The following PCM1 variants were observed in gnomAD, a reference collection of about 807,000 sequenced individuals.
The protein encoded by PCM1 is pericentriolar material 1.
Under a neutral mutation model 241.9 loss-of-function variants are expected in PCM1, and 157 were observed. The observed-to-expected ratio is 0.65, with a 90% CI of 0.57 to 0.74. The LOEUF is 0.74. PCM1 is among the 30% of genes least tolerant of loss of function. PCM1 has a pLI of 0.00. For synonymous variants in PCM1, 1,085 were observed against 784.9 expected (o/e 1.38, Z -6.39); for missense variants, 3,478 against 2,360.1 (o/e 1.47, Z -9.81).
At chr8:17,964,370 G>T (rs1269739319) in intron 17 of PCM1, among the ~76,000 whole-genome samples, 198 bp from the exon 18 acceptor site, 1 of 152,218 alleles carries the variant, frequency 6.6e-6, no homozygotes. Flanking sequence ...GAATTGTTTT[G>T]AGGAAGGCAA....
rs527526938 is a variant in PCM1 at position 17,930,855 on chromosome 8, G to A, written c.-22-4734G>A. 2.6e-5 allele frequency among the ~76,000 whole-genome samples: 4 copies of A among 151,790 alleles called. No individual in the cohort carries two copies. In the South Asian group the frequency reaches 8.3e-4, roughly 32 times the overall value. Reference sequence around the variant, plus strand: ...AGATGGCGCCACTGCACTCCAGCCTGGGTGACAGAGCAAGACTCTGTCTCC... The same window carrying A: ...AGATGGCGCCACTGCACTCCAGCCTAGGTGACAGAGCAAGACTCTGTCTCC... On this transcript the variant is annotated intron_variant, in intron 2 of 38. Transcript: ENST00000325083.
At chr8:18,026,357 G>A (rs1486404459) in intron 38 of PCM1, among the ~76,000 whole-genome samples, 35 of 144,726 alleles carry the variant, frequency 2.4e-4, no homozygotes, top group African/African-American at 7.4e-4. Flanking sequence ...TCCCAGGTTC[G>A]CGCCATTCTT....
At chr8:18,000,590 G>T (rs983863106) in intron 29 of PCM1, among the ~76,000 whole-genome samples, 5 of 150,976 alleles carry the variant, frequency 3.3e-5, no homozygotes, top group Admixed American at 1.3e-4. Context: ...GAAGGCTTGG[G>T]AGAAGGGGGA....
intron 23 of PCM1, among the ~76,000 whole-genome samples, chr8:17,978,878 T>C (rs1023160346): frequency 6.6e-6 from 1 of 152,232 alleles, no homozygotes; most frequent in Non-Finnish European, 1.5e-5. Context: ...TTCAGACATG[T>C]AATGATGATT....
intron 29 of PCM1, among the ~76,000 whole-genome samples, chr8:18,002,053 A>G (rs1458265053): frequency 1.0e-4 from 1 of 10,004 alleles, no homozygotes; most frequent in Admixed American, 1.0e-3. Context: ...GATCTGTTAA[A>G]TTTTTTTTTT....
At chr8:17,979,156 T>C (rs908563818) in intron 23 of PCM1, among the ~76,000 whole-genome samples, 3 of 151,640 alleles carry the variant, frequency 2.0e-5, no homozygotes, top group African/African-American at 4.8e-5. Flanking sequence ...AAAGCAGTTA[T>C]TTGAGTGTAA....
chr8:17,959,401 A>G (rs1201391269), intron 13 of PCM1, among the ~76,000 whole-genome samples: 3 of 152,094 alleles, frequency 2.0e-5, no homozygotes, highest in East Asian at 1.9e-4. Context: ...TAGTTAATGT[A>G]TAATAGCATC....
intron 27 of PCM1, 105 bp from the exon 28 acceptor site, chr8:17,991,437 A>G: frequency 1.1e-6 from 1 of 891,540 alleles, no homozygotes; most frequent in South Asian, 1.8e-5. Flanking sequence ...GTTAAAGCTA[A>G]TTTTCCTCCC....
intron 36 of PCM1, among the ~76,000 whole-genome samples, chr8:18,016,532 T>C (rs1033072891): frequency 2.0e-5 from 3 of 152,170 alleles, no homozygotes; most frequent in African/African-American, 7.2e-5. Flanking sequence ...TTAGAAACAA[T>C]GGGAAGCAGT....
chr8:17,950,642 C>T lies in PCM1; in HGVS notation c.989C>T (p.Ser330Phe). 1 of 1,603,460 alleles carries T rather than the reference C, an allele frequency of 6.2e-7. No homozygotes were observed. Among genetic ancestry groups the T allele is most frequent in the Non-Finnish European group, 8.5e-7 (1 of 1,173,272 alleles). The change falls in exon 8 of 39, where the codon TCT becomes TTT. Residue 330 changes from serine (S) to phenylalanine (F), a missense_variant. By Grantham distance (155) the Ser-to-Phe change is radical. Transcript: ENST00000325083. Reference protein sequence around the residue: ...SVVAETAGSLSGVSITSELNE... With the variant: ...SVVAETAGSLFGVSITSELNE... ...GTTGCAGAAACTGCAGGTAGCTTAT[C>T]TGGCGTCAGTATCACATCTGAACTA...
chr8:17,971,232 T>C (rs2076748652), intron 22 of PCM1, among the ~76,000 whole-genome samples: 1 of 152,210 alleles, frequency 6.6e-6, no homozygotes, highest in Non-Finnish European at 1.5e-5. Context: ...GCAGGCTGAA[T>C]TTGGTCTGTA....
At chr8:18,021,214 G>A (rs575614284) in intron 36 of PCM1, among the ~76,000 whole-genome samples, 1 of 152,224 alleles carries the variant, frequency 6.6e-6, no homozygotes, top group East Asian at 1.9e-4. Context: ...TCCTTCCTGA[G>A]TCCTTCAAAC....
intron 6 of PCM1, chr8:17,940,161 A>T (rs184359257): frequency 7.3e-5 from 108 of 1,477,116 alleles, no homozygotes; most frequent in Non-Finnish European, 8.0e-5. Context: ...ATACCACGGT[A>T]AGCGGCTTTT....
At chr8:18,000,514 C>T (rs2088920745) in intron 29 of PCM1, among the ~76,000 whole-genome samples, 2 of 151,506 alleles carry the variant, frequency 1.3e-5, no homozygotes, top group African/African-American at 2.4e-5. Context: ...GTAGGTCCTA[C>T]TAATGGGTAG....
intron 1 of PCM1, among the ~76,000 whole-genome samples, chr8:17,923,760 G>A (rs2055607865): frequency 6.6e-6 from 1 of 152,088 alleles, no homozygotes; most frequent in African/African-American, 2.4e-5. Flanking sequence ...GGCCGGGGGA[G>A]GCGTTCCTGG....
chr8:17,936,435 G>C (rs1039566465), intron 3 of PCM1, among the ~76,000 whole-genome samples: 12 of 152,162 alleles, frequency 7.9e-5, no homozygotes, highest in African/African-American at 2.9e-4. Context: ...AGACCTTTTT[G>C]TTAATGAATT....
intron 20 of PCM1, among the ~76,000 whole-genome samples, 199 bp downstream of exon 20, chr8:17,966,672 T>C (rs1007266968): frequency 1.3e-5 from 2 of 152,240 alleles, no homozygotes; most frequent in Admixed American, 6.5e-5. Flanking sequence ...ATTTATGTTA[T>C]TGAATTTTAC....
At chr8:17,987,643 A>G (rs1388056120) in intron 26 of PCM1, among the ~76,000 whole-genome samples, 4 of 151,974 alleles carry the variant, frequency 2.6e-5, no homozygotes, top group South Asian at 4.1e-4. Flanking sequence ...ATTTCTTCCA[A>G]AACTTAAATT....
At chr8:17,935,380 T>G (rs914518177) in intron 2 of PCM1, among the ~76,000 whole-genome samples, 2 of 152,252 alleles carry the variant, frequency 1.3e-5, no homozygotes, top group Non-Finnish European at 2.9e-5. Flanking sequence ...TTTCCTTTCC[T>G]TCTCTGTCAT....
Sources: allele counts gnomAD v4.1 joint callset (sites outside exome capture counted in the v4.1 genomes callset), GRCh38; gene constraint gnomAD v4.1.1; transcripts MANE v1.5; gene names NCBI Gene and HGNC (gene_info 2026-07-23, HGNC 2026-07-21).